Variants in CAPN8 observed in about 807,000 individuals in gnomAD.
CAPN8 encodes the protein calpain-8.
A neutral mutation model predicts 80.9 loss-of-function variants in CAPN8; 87 were observed. The ratio of observed to expected loss-of-function variants is 1.07; its 90% confidence interval spans 0.90 to 1.28. CAPN8 has a LOEUF of 1.28. CAPN8 is among the 50% of genes most tolerant of loss of function. CAPN8 has a pLI of 0.00. For missense variants in CAPN8, 757 were observed against 702.0 expected (o/e 1.08, Z -0.89); for synonymous variants, 299 against 273.8 (o/e 1.09, Z -0.91).
chr1:223,555,701 A>G, intron 13 of CAPN8, among the ~76,000 whole-genome samples: 1 of 152,304 alleles, frequency 6.6e-6, no homozygotes, highest in Non-Finnish European at 1.5e-5. Flanking sequence ...ACAACAAAAC[A>G]GTATATGGAT....
chr1:223,663,855 A>T (rs1658716980), intron 1 of CAPN8, among the ~76,000 whole-genome samples: 1 of 152,224 alleles, frequency 6.6e-6, no homozygotes, highest in African/African-American at 2.4e-5. Flanking sequence ...CTGGAGTTAA[A>T]TAGTGATTTT....
intron 2 of CAPN8, among the ~76,000 whole-genome samples, chr1:223,633,299 T>A (rs1237390099): frequency 1.3e-5 from 2 of 151,970 alleles, no homozygotes; most frequent in Admixed American, 6.6e-5. Context: ...AATACACACA[T>A]TGCACTGGGT....
chr1:223,614,424 A>G (rs1214651783), intron 10 of CAPN8, among the ~76,000 whole-genome samples: 1 of 151,348 alleles, frequency 6.6e-6, no homozygotes, highest in Non-Finnish European at 1.5e-5. Flanking sequence ...GGTAGGCCTG[A>G]TGGATGAAGA....
chr1:223,617,078 C>A (rs998913311), intron 9 of CAPN8: 4 of 152,086 alleles, frequency 2.6e-5, no homozygotes, highest in Non-Finnish European at 5.9e-5. Context: ...AGGGCCTCAA[C>A]AATTTCAATA....
intron 6 of CAPN8, among the ~76,000 whole-genome samples, chr1:223,624,283 C>T (rs1657498990): frequency 6.6e-6 from 1 of 152,220 alleles, no homozygotes; most frequent in Non-Finnish European, 1.5e-5. Flanking sequence ...ACATTCATTG[C>T]ATTTCCCTTT....
chr1:223,656,904 T>C (rs1191123525), intron 1 of CAPN8, among the ~76,000 whole-genome samples: 1 of 151,980 alleles, frequency 6.6e-6, no homozygotes, highest in East Asian at 1.9e-4. Flanking sequence ...CAGGATGGTC[T>C]CCATCTCCTG....
In CAPN8 at chr1:223,616,159, A is replaced by C. The variant is rs1428781711; in HGVS notation, c.1136-14T>G. On this transcript the variant is annotated splice_polypyrimidine_tract_variant and intron_variant, in intron 9 of 20. Coordinates refer to ENST00000366872, the MANE Select transcript of CAPN8 (RefSeq NM_001143962.2). ...TCCAGTACGTGGCTGGAAGTCACCC[A>C]GGTGATGGTGGTTCCCCACGTAGCG... is the stretch of plus-strand genomic sequence containing the variant. 2 of 1,541,312 alleles carry C rather than the reference A, an allele frequency of 1.3e-6. No homozygotes were observed. The highest frequency in any genetic ancestry group is 1.8e-6 in the Non-Finnish European group (2 of 1,139,492).
rs370382038 is a variant in CAPN8, at chr1:223,628,364, G to C, written c.427-222C>G. 7.9e-5 allele frequency among the ~76,000 whole-genome samples: 12 copies of C among 152,186 alleles called. 2 individuals carry two copies. The highest frequency in any genetic ancestry group is 3.3e-4 in the Admixed American group (5 of 15,282). ...GTTTGTGCATCAGAGAACTTGCCCA[G>C]CGCCACCTAGTGGCAGCAGGAAGTG... On this transcript the variant is annotated intron_variant, in intron 3 of 20. Transcript: ENST00000366872.
intron 9 of CAPN8, 92 bp downstream of exon 9, chr1:223,619,201 C>G (rs915194928): frequency 1.7e-5 from 25 of 1,455,004 alleles, no homozygotes; most frequent in Non-Finnish European, 2.2e-5. Flanking sequence ...CTCAAAAAAA[C>G]ACACAAAATA....
intron 10 of CAPN8, among the ~76,000 whole-genome samples, chr1:223,614,206 C>G (rs1252722069): frequency 6.6e-6 from 1 of 152,172 alleles, no homozygotes; most frequent in Non-Finnish European, 1.5e-5. Context: ...TGAGACCAGC[C>G]TGGCCAAAAT....
rs930367124 is a variant in CAPN8 at position 223,543,100 on chromosome 1, A to G, written c.2088+8T>C. The G allele has an allele frequency of 5.8e-6, 9 of 1,551,542 alleles. No individual in the cohort carries two copies. In the Middle Eastern group the frequency reaches 6.7e-4, roughly 115 times the overall value. On this transcript the variant is annotated splice_region_variant and intron_variant, in intron 20 of 20. Transcript: ENST00000366872. ...AGCCAGCAATTCATCAAACCTCAGG[A>G]CATTCACCTCGGCCAGAGAGAGCTG...
intron 14 of CAPN8, among the ~76,000 whole-genome samples, chr1:223,553,580 C>T (rs1412763679): frequency 6.6e-6 from 1 of 152,160 alleles, no homozygotes; most frequent in Non-Finnish European, 1.5e-5. Flanking sequence ...ACCTGGAGAT[C>T]TGGCTTTTCT....
intron 2 of CAPN8, among the ~76,000 whole-genome samples, chr1:223,648,139 G>A (rs1357818177): frequency 1.3e-5 from 2 of 152,212 alleles, no homozygotes; most frequent in African/African-American, 4.8e-5. Context: ...GTTCAGAGTA[G>A]AAAGGAGAGT....
chr1:223,620,433 G>A (rs1389318160), intron 7 of CAPN8, among the ~76,000 whole-genome samples, 167 bp from the exon 8 acceptor site: 1 of 152,174 alleles, frequency 6.6e-6, no homozygotes, highest in Non-Finnish European at 1.5e-5. Context: ...CACTGTCTGG[G>A]GAAGGGACAC....
At chr1:223,621,810 T>C (rs1314272023) in intron 7 of CAPN8, among the ~76,000 whole-genome samples, 1 of 152,018 alleles carries the variant, frequency 6.6e-6, no homozygotes, top group Non-Finnish European at 1.5e-5. Flanking sequence ...GAGGGGGCAT[T>C]ATTGTGACCA....
chr1:223,637,118 T>C (rs1253362022), intron 2 of CAPN8, among the ~76,000 whole-genome samples: 1 of 152,226 alleles, frequency 6.6e-6, no homozygotes. Flanking sequence ...TACCTGGATT[T>C]GAGAGACTGA....
At chr1:223,629,197 A>AGTGTGTGTGT (rs113967295) in intron 2 of CAPN8, among the ~76,000 whole-genome samples, 210 of 95,306 alleles carry the variant, frequency 2.2e-3, no homozygotes, top group African/African-American at 6.5e-3. Context: ...TACGTGTAAG[A>AGTGTGTGTGT]GTGTGTGTGT....
At chr1:223,551,378 T>A (rs1329095272) in intron 14 of CAPN8, among the ~76,000 whole-genome samples, 1 of 152,124 alleles carries the variant, frequency 6.6e-6, no homozygotes, top group Non-Finnish European at 1.5e-5. Context: ...CCTGACATCG[T>A]GATCTGCCCA....
intron 9 of CAPN8, chr1:223,618,338 C>G: frequency 6.5e-7 from 1 of 1,548,626 alleles, no homozygotes; most frequent in Non-Finnish European, 8.7e-7. Flanking sequence ...CCACCTTGCA[C>G]CAGGTGAGGA....
Sources: gnomAD v4.1 joint callset for allele counts (sites outside exome capture counted in the v4.1 genomes callset) on GRCh38, gnomAD v4.1.1 for gene constraint, MANE v1.5 for transcripts, NCBI Gene and HGNC (gene_info 2026-07-23, HGNC 2026-07-21) for gene names.